The following FRMPD4 variants were observed in gnomAD, a reference collection of about 807,000 sequenced individuals.
The protein encoded by FRMPD4 is FERM and PDZ domain-containing protein 4.
Under a neutral mutation model 94.1 loss-of-function variants are expected in FRMPD4, and 22 were observed. That is an observed-to-expected ratio of 0.23 (90% CI 0.17 to 0.33). The LOEUF is 0.33. Among genes scored for constraint, FRMPD4 ranks in the 10% least tolerant of loss-of-function variants. FRMPD4 has a pLI of 1.00. For missense variants in FRMPD4, 1,111 were observed against 1,339.9 expected (o/e 0.83, Z 2.67); for synonymous variants, 631 against 548.6 (o/e 1.15, Z -2.10).
At chrX:12,612,615 T>C (rs1189179648) in intron 3 of FRMPD4, among the ~76,000 whole-genome samples, 1 of 112,462 alleles carries the variant, frequency 8.9e-6, no homozygotes, top group African/African-American at 3.2e-5. Context: ...AGTTGCTTGA[T>C]TAGACAAGAA....
At chrX:12,629,596 G>A (rs555983949) in intron 4 of FRMPD4, among the ~76,000 whole-genome samples, 1 of 112,421 alleles carries the variant, frequency 8.9e-6, no homozygotes, top group East Asian at 2.8e-4. Context: ...CGGAGTAAGA[G>A]CACATAGTCA....
chrX:11,979,396 C>G (rs1006447053), intron 3 of FRMPD4, among the ~76,000 whole-genome samples: 2 of 111,931 alleles, frequency 1.8e-5, no homozygotes, highest in Non-Finnish European at 3.8e-5. Context: ...TCCTGCTTAT[C>G]TTATACCTAA....
intron 1 of FRMPD4, among the ~76,000 whole-genome samples, chrX:12,360,019 T>G (rs943181149): frequency 4.5e-5 from 5 of 111,940 alleles, no homozygotes; most frequent in African/African-American, 1.6e-4. Flanking sequence ...TTCTGAGATT[T>G]TGAGTTAATG....
At chrX:12,460,334 C>T (rs2057378568) in intron 1 of FRMPD4, among the ~76,000 whole-genome samples, 1 of 111,797 alleles carries the variant, frequency 8.9e-6, no homozygotes, top group African/African-American at 3.2e-5. Flanking sequence ...AAATCTTTAC[C>T]TAACTCAGGG....
At chrX:11,883,204 T>C (rs1359386950) in intron 3 of FRMPD4, among the ~76,000 whole-genome samples, 2 of 111,898 alleles carry the variant, frequency 1.8e-5, no homozygotes, top group African/African-American at 6.5e-5. Flanking sequence ...AGTAAGTAGA[T>C]GTTAGCGGTG....
At chrX:11,822,737 A>C in intron 1 of FRMPD4, among the ~76,000 whole-genome samples, 1 of 111,815 alleles carries the variant, frequency 8.9e-6, no homozygotes, top group Non-Finnish European at 1.9e-5. Context: ...GCATGCCCCC[A>C]TCTCTATTGC....
At chrX:12,409,256 G>A (rs1349410748) in intron 1 of FRMPD4, among the ~76,000 whole-genome samples, 2 of 111,756 alleles carry the variant, frequency 1.8e-5, no homozygotes, top group Non-Finnish European at 3.8e-5. Flanking sequence ...TGGAGACCTT[G>A]TTGGGGGCAG....
intron 1 of FRMPD4, among the ~76,000 whole-genome samples, chrX:12,259,487 C>T (rs970562782): frequency 2.7e-5 from 3 of 111,457 alleles, no homozygotes; most frequent in African/African-American, 6.5e-5. Context: ...AGGGATCTTC[C>T]CCAGGAGCCT....
At chrX:12,099,163 A>G (rs1181159685) in intron 3 of FRMPD4, among the ~76,000 whole-genome samples, 1 of 108,484 alleles carries the variant, frequency 9.2e-6, no homozygotes. Flanking sequence ...TGGCACATGT[A>G]TACATATGTA....
chrX:12,719,685 G>C (rs2042181062), intron 16 of FRMPD4, among the ~76,000 whole-genome samples: 1 of 111,502 alleles, frequency 9.0e-6, no homozygotes, highest in Admixed American at 9.6e-5. Flanking sequence ...AGCTGTCTGT[G>C]AATATCACCT....
intron 1 of FRMPD4, among the ~76,000 whole-genome samples, chrX:12,297,825 C>A (rs976954522): frequency 5.4e-5 from 6 of 111,400 alleles, no homozygotes; most frequent in African/African-American, 2.0e-4. Context: ...GAGTCTATTT[C>A]TTGGCAGGGA....
In FRMPD4 at chrX:12,717,388, A is replaced by G. The variant is rs1274401222; in HGVS notation, c.2675-113A>G. 8 of 566,206 alleles carry G rather than the reference A, an allele frequency of 1.4e-5. No homozygotes were observed. The East Asian group carries it at 2.7e-4, about 19-fold the overall frequency. 46.7% of individuals were successfully genotyped at this position (566,206 alleles called of 1,213,427 possible). On this transcript the variant is annotated intron_variant, in intron 15 of 16. Transcript: ENST00000675598. ...TGCAATAAACTCAGAGTCCTTACTGAAAAGGGAAAAACTTGGTATTTTGTT... is the reference window on the plus strand; with the variant it reads ...TGCAATAAACTCAGAGTCCTTACTGGAAAGGGAAAAACTTGGTATTTTGTT...
chrX:11,873,705 CT>C (rs368589472), intron 2 of FRMPD4, among the ~76,000 whole-genome samples: 2,788 of 98,307 alleles, frequency 0.028, 45 homozygotes, highest in African/African-American at 0.064. Context: ...ATCCAGCAGG[CT>C]TTTTTTTTTT....
At chrX:11,944,903 A>C (rs2054180746) in intron 3 of FRMPD4, among the ~76,000 whole-genome samples, 1 of 112,556 alleles carries the variant, frequency 8.9e-6, no homozygotes, top group African/African-American at 3.2e-5. Flanking sequence ...AGAGAACTGG[A>C]AAATAAATCC....
chrX:12,675,246 T>C (rs1430844160), intron 5 of FRMPD4, among the ~76,000 whole-genome samples: 1 of 111,490 alleles, frequency 9.0e-6, no homozygotes, highest in African/African-American at 3.3e-5. Context: ...TATCTAATTG[T>C]AGGAGGTCGA....
At chrX:12,060,971 C>G (rs189379184) in intron 3 of FRMPD4, among the ~76,000 whole-genome samples, 2 of 112,062 alleles carry the variant, frequency 1.8e-5, no homozygotes, top group Admixed American at 1.9e-4. Context: ...TAGGCTACTA[C>G]AGGGGAGGAA....
intron 9 of FRMPD4, among the ~76,000 whole-genome samples, chrX:12,699,863 A>T (rs139015375): frequency 3.6e-5 from 4 of 111,701 alleles, no homozygotes; most frequent in African/African-American, 1.3e-4. Context: ...ATAGGATTGG[A>T]CTAAAAGGGC....
chrX:12,419,125 A>G (rs962388927), intron 1 of FRMPD4, among the ~76,000 whole-genome samples: 3 of 111,786 alleles, frequency 2.7e-5, no homozygotes, highest in Non-Finnish European at 5.6e-5. Context: ...ACTATCTTGC[A>G]GGGAAAGTAG....
In FRMPD4 at chrX:11,873,078, C is replaced by G. The variant is rs750871909; in HGVS notation, c.-29-4817C>G. ...ATCTGCAGAAACACAAAAATATTTTCTCTACACTCCCCACTGTTGAAGACT... is the reference window on the plus strand; with the variant it reads ...ATCTGCAGAAACACAAAAATATTTTGTCTACACTCCCCACTGTTGAAGACT... On this transcript the variant is annotated intron_variant, in intron 2 of 18. Coordinates refer to the FRMPD4 transcript ENST00000640291. Among the ~76,000 whole-genome samples, 43 of 111,877 alleles carry G rather than the reference C, an allele frequency of 3.8e-4. No homozygotes were observed. The East Asian group carries it at 3.9e-3, about 10-fold the overall frequency.
Sources: allele counts gnomAD v4.1 joint callset (sites outside exome capture counted in the v4.1 genomes callset), GRCh38; gene constraint gnomAD v4.1.1; transcripts MANE v1.5; gene names NCBI Gene and HGNC (gene_info 2026-07-23, HGNC 2026-07-21).